Variants in STK39 observed in about 807,000 individuals in gnomAD.
STK39 encodes the protein STE20/SPS1-related proline-alanine-rich protein kinase.
A neutral mutation model predicts 77.8 loss-of-function variants in STK39; 20 were observed. The observed-to-expected ratio is 0.26, with a 90% CI of 0.18 to 0.37. The LOEUF (loss-of-function observed/expected upper bound fraction) is 0.37, where lower values mean the gene tolerates loss of function less well. Ranked by LOEUF, STK39 falls within the 10% of genes least tolerant of loss-of-function variation. The pLI, the probability that STK39 is intolerant of heterozygous loss-of-function variation, is 1.00. For synonymous variants in STK39, 246 were observed against 234.1 expected (o/e 1.05, Z -0.47); for missense variants, 479 against 656.5 (o/e 0.73, Z 2.95).
At chr2:168,045,916 C>A (rs1361765356) in intron 14 of STK39, among the ~76,000 whole-genome samples, 1 of 152,156 alleles carries the variant, frequency 6.6e-6, no homozygotes, top group Non-Finnish European at 1.5e-5. Flanking sequence ...AGGCTCCCCA[C>A]TACCAATACA....
At chr2:168,193,431 A>T (rs904637957) in intron 1 of STK39, among the ~76,000 whole-genome samples, 4 of 152,270 alleles carry the variant, frequency 2.6e-5, no homozygotes, top group Non-Finnish European at 5.9e-5. Context: ...TGCAGTGAAA[A>T]GTAGTGTCTT....
At chr2:168,020,723 T>C (rs1684549558) in intron 14 of STK39, among the ~76,000 whole-genome samples, 1 of 151,822 alleles carries the variant, frequency 6.6e-6, no homozygotes, top group African/African-American at 2.4e-5. Context: ...CTTTGAGATA[T>C]GCAAAGAGGT....
intron 16 of STK39, among the ~76,000 whole-genome samples, chr2:167,967,855 T>C (rs1692202223): frequency 6.6e-6 from 1 of 152,162 alleles, no homozygotes; most frequent in Non-Finnish European, 1.5e-5. Flanking sequence ...TACCTAGGTG[T>C]ATTGTGTGAT....
intron 16 of STK39, among the ~76,000 whole-genome samples, chr2:167,995,074 T>A (rs1293657254): frequency 6.7e-6 from 1 of 149,882 alleles, no homozygotes; most frequent in Non-Finnish European, 1.5e-5. Context: ...CATTAAAACA[T>A]TTAAAATATA....
At chr2:168,099,176 C>T (rs897794374) in intron 10 of STK39, among the ~76,000 whole-genome samples, 2 of 152,228 alleles carry the variant, frequency 1.3e-5, no homozygotes, top group South Asian at 2.1e-4. Context: ...CAGCTCAGCC[C>T]AGCCAAGCCC....
intron 10 of STK39, among the ~76,000 whole-genome samples, chr2:168,088,609 T>C (rs990334898): frequency 6.6e-6 from 1 of 152,176 alleles, no homozygotes; most frequent in Non-Finnish European, 1.5e-5. Context: ...TATGGAATAG[T>C]ATGTAGCCAG....
chr2:167,972,445 G>A (rs1211585837), intron 16 of STK39, among the ~76,000 whole-genome samples: 1 of 152,102 alleles, frequency 6.6e-6, no homozygotes, highest in Non-Finnish European at 1.5e-5. Flanking sequence ...TTAGGTTCTT[G>A]GGAGCTTGAT....
chr2:168,201,419 A>C (rs1038094982), intron 1 of STK39, among the ~76,000 whole-genome samples: 1 of 152,146 alleles, frequency 6.6e-6, no homozygotes, highest in Non-Finnish European at 1.5e-5. Context: ...TGGGCCATTT[A>C]TTTTGTCCCT....
intron 1 of STK39, among the ~76,000 whole-genome samples, chr2:168,234,406 G>T (rs936014106): frequency 2.6e-5 from 4 of 152,158 alleles, no homozygotes; most frequent in African/African-American, 9.7e-5. Flanking sequence ...TATGGTTAGT[G>T]GCTACCAAGC....
In STK39 at chr2:168,063,404, T is replaced by G. The variant is rs935200430; in HGVS notation, c.1376+96A>C. ...CGGGGAAATCAAATAAGCTAACGAT[T>G]CTATTTTATGCTAATATTATGAAAG... On this transcript the variant is annotated intron_variant, in intron 14 of 17. Transcript: ENST00000355999. The G allele has an allele frequency of 3.4e-5, 38 of 1,123,448 alleles. No homozygotes were observed. The South Asian group carries it at 5.5e-4, about 16-fold the overall frequency. 69.6% of individuals were successfully genotyped at this position (1,123,448 alleles called of 1,614,324 possible). A position where few individuals can be genotyped will look rare whatever the true frequency, so the allele number is the denominator to read the frequency against.
intron 1 of STK39, among the ~76,000 whole-genome samples, chr2:168,222,450 TCTC>T (rs1260742972): frequency 2.0e-5 from 3 of 152,308 alleles, no homozygotes; most frequent in Admixed American, 1.3e-4. Flanking sequence ...AGATTCCTCA[TCTC>T]CTCATATCTT....
At chr2:168,215,198 G>A (rs1689995898) in intron 1 of STK39, among the ~76,000 whole-genome samples, 1 of 152,084 alleles carries the variant, frequency 6.6e-6, no homozygotes, top group Non-Finnish European at 1.5e-5. Flanking sequence ...ATCCTTCATA[G>A]CCAGACTGCT....
At chr2:167,962,071 G>C (rs1321468167) in intron 17 of STK39, among the ~76,000 whole-genome samples, 1 of 152,094 alleles carries the variant, frequency 6.6e-6, no homozygotes, top group African/African-American at 2.4e-5. Flanking sequence ...CACTGTGCAG[G>C]GAGGTAAAGA....
At chr2:167,971,996 C>T (rs1692360536) in intron 16 of STK39, among the ~76,000 whole-genome samples, 1 of 152,218 alleles carries the variant, frequency 6.6e-6, no homozygotes, top group Non-Finnish European at 1.5e-5. Flanking sequence ...CATGCAACGC[C>T]TTGGGCAGCA....
At chr2:168,177,272 C>A (rs1688977782) in intron 2 of STK39, among the ~76,000 whole-genome samples, 1 of 151,842 alleles carries the variant, frequency 6.6e-6, no homozygotes, top group Admixed American at 6.6e-5. Flanking sequence ...AATGCTTTGC[C>A]TCGTCCCCGG....
intron 14 of STK39, among the ~76,000 whole-genome samples, chr2:168,022,932 T>G (rs545647607): frequency 2.0e-4 from 31 of 152,212 alleles, no homozygotes; most frequent in Non-Finnish European, 4.0e-4. Context: ...TTTGGATTCT[T>G]TTAGAGACAA....
intron 10 of STK39, among the ~76,000 whole-genome samples, chr2:168,075,562 T>C (rs969113478): frequency 2.0e-5 from 3 of 152,032 alleles, no homozygotes; most frequent in Admixed American, 6.6e-5. Flanking sequence ...AGTTGCCATA[T>C]ACAAAAGGCC....
At chr2:168,039,995 C>A (rs1263376483) in intron 14 of STK39, among the ~76,000 whole-genome samples, 1 of 152,114 alleles carries the variant, frequency 6.6e-6, no homozygotes, top group Non-Finnish European at 1.5e-5. Flanking sequence ...CTATCCCTAC[C>A]TCAGACTCCC....
At chr2:168,106,484 C>A (rs866796686) in intron 10 of STK39, among the ~76,000 whole-genome samples, 3 of 152,232 alleles carry the variant, frequency 2.0e-5, no homozygotes, top group Middle Eastern at 3.4e-3. Flanking sequence ...TTTAAAAGAA[C>A]AGATTATGTA....
Sources: allele counts gnomAD v4.1 joint callset (sites outside exome capture counted in the v4.1 genomes callset), GRCh38; gene constraint gnomAD v4.1.1; transcripts MANE v1.5; gene names NCBI Gene and HGNC (gene_info 2026-07-23, HGNC 2026-07-21).